The following FRMPD4 variants were observed in gnomAD, a reference collection of about 807,000 sequenced individuals.
The protein encoded by FRMPD4 is FERM and PDZ domain-containing protein 4.
A neutral mutation model predicts 94.1 loss-of-function variants in FRMPD4; 22 were observed. That is an observed-to-expected ratio of 0.23 (90% CI 0.17 to 0.33). FRMPD4 has a LOEUF of 0.33. FRMPD4 is among the 10% of genes least tolerant of loss of function. The pLI is 1.00. For missense variants in FRMPD4, 1,111 were observed against 1,339.9 expected (o/e 0.83, Z 2.67); for synonymous variants, 631 against 548.6 (o/e 1.15, Z -2.10).
chrX:12,607,495 T>G (rs970693748), intron 2 of FRMPD4, among the ~76,000 whole-genome samples: 2 of 111,898 alleles, frequency 1.8e-5, no homozygotes, highest in African/African-American at 6.5e-5. Context: ...AAATTAGTCA[T>G]GTTTGAATGA....
At chrX:12,163,161 A>G (rs1458160009) in intron 1 of FRMPD4, among the ~76,000 whole-genome samples, 2 of 110,895 alleles carry the variant, frequency 1.8e-5, no homozygotes, top group Non-Finnish European at 3.8e-5. Flanking sequence ...ATTAGGTTCC[A>G]ATTAGGGACT....
chrX:12,046,495 G>A (rs1365642493), intron 3 of FRMPD4, among the ~76,000 whole-genome samples: 2 of 111,095 alleles, frequency 1.8e-5, no homozygotes, highest in African/African-American at 6.6e-5. Context: ...GACTGCCCCC[G>A]ACCCCCAGAC....
intron 1 of FRMPD4, among the ~76,000 whole-genome samples, chrX:12,196,328 C>T (rs2056567027): frequency 9.0e-6 from 1 of 111,706 alleles, no homozygotes; most frequent in Admixed American, 9.5e-5. Flanking sequence ...CTACTGCCAT[C>T]ACATTCTCCT....
intron 1 of FRMPD4, among the ~76,000 whole-genome samples, chrX:12,169,554 C>T (rs1303889614): frequency 9.0e-6 from 1 of 111,604 alleles, no homozygotes. Flanking sequence ...ACAACCACAC[C>T]CATCCATTTG....
intron 1 of FRMPD4, among the ~76,000 whole-genome samples, chrX:12,433,588 A>G (rs1178325892): frequency 8.9e-6 from 1 of 112,441 alleles, no homozygotes; most frequent in Non-Finnish European, 1.9e-5. Context: ...ATCCAATTCA[A>G]TCAACACTGT....
intron 4 of FRMPD4, among the ~76,000 whole-genome samples, chrX:12,656,109 G>C (rs1337852743): frequency 3.6e-5 from 4 of 112,332 alleles, no homozygotes; most frequent in African/African-American, 1.3e-4. Context: ...TCAAGAATAT[G>C]TGTTTAGATG....
intron 3 of FRMPD4, among the ~76,000 whole-genome samples, chrX:12,001,571 A>C (rs925662732): frequency 8.9e-6 from 1 of 112,144 alleles, no homozygotes; most frequent in African/African-American, 3.2e-5. Flanking sequence ...CCTCCAACAC[A>C]GAGTGCCTGA....
At chrX:12,515,339 T>G (rs1225784708) in intron 2 of FRMPD4, among the ~76,000 whole-genome samples, 1 of 111,750 alleles carries the variant, frequency 8.9e-6, no homozygotes, top group African/African-American at 3.3e-5. Flanking sequence ...GTGCTAGAAA[T>G]TTCCCACTTA....
intron 1 of FRMPD4, among the ~76,000 whole-genome samples, chrX:12,182,838 C>T (rs141031042): frequency 0.026 from 2,866 of 111,143 alleles, 39 homozygotes; most frequent in African/African-American, 0.044. Flanking sequence ...CTGACACTTT[C>T]GTGGAAATGA....
chrX:12,547,176 G>A (rs769667644), intron 2 of FRMPD4, among the ~76,000 whole-genome samples: 29 of 110,799 alleles, frequency 2.6e-4, no homozygotes, highest in African/African-American at 7.9e-4. Context: ...TAATTAAGTC[G>A]CTCCTGCAAC....
chrX:12,352,664 A>T (rs1199667868), intron 1 of FRMPD4, among the ~76,000 whole-genome samples: 1 of 112,370 alleles, frequency 8.9e-6, no homozygotes, highest in African/African-American at 3.2e-5. Context: ...ACATTTTAAC[A>T]GCAAAAGTAG....
chrX:11,922,121 A>G (rs749585194), intron 3 of FRMPD4, among the ~76,000 whole-genome samples: 7 of 110,161 alleles, frequency 6.4e-5, no homozygotes, highest in Non-Finnish European at 1.3e-4. Flanking sequence ...TTGCACTGCT[A>G]TAAAGAAACA....
intron 1 of FRMPD4, among the ~76,000 whole-genome samples, chrX:12,493,246 A>T (rs1400919741): frequency 9.0e-6 from 1 of 111,262 alleles, no homozygotes; most frequent in African/African-American, 3.3e-5. Flanking sequence ...ATCTTAGGAT[A>T]CCTTGAGGTA....
At chrX:11,888,286 A>G (rs1380617904) in intron 3 of FRMPD4, among the ~76,000 whole-genome samples, 2 of 111,654 alleles carry the variant, frequency 1.8e-5, no homozygotes, top group Non-Finnish European at 3.8e-5. Flanking sequence ...CAAGAGTCCT[A>G]TGTTGTCATT....
chrX:12,536,871 C>T (rs1404489356), intron 2 of FRMPD4, among the ~76,000 whole-genome samples: 1 of 111,710 alleles, frequency 9.0e-6, no homozygotes, highest in Non-Finnish European at 1.9e-5. Context: ...CGTGTAAGTT[C>T]AGAGTCATAT....
chrX:12,527,494 T>G (rs941982024), intron 2 of FRMPD4, among the ~76,000 whole-genome samples: 3 of 107,787 alleles, frequency 2.8e-5, no homozygotes, highest in Non-Finnish European at 3.9e-5. Context: ...ACAGTTTTTT[T>G]TTTTTTTTTT....
intron 3 of FRMPD4, among the ~76,000 whole-genome samples, chrX:11,929,764 G>T (rs1329669741): frequency 1.8e-5 from 2 of 111,333 alleles, no homozygotes; most frequent in Non-Finnish European, 3.8e-5. Flanking sequence ...TGGCCTGAAA[G>T]ATGTTGGGAA....
intron 11 of FRMPD4, among the ~76,000 whole-genome samples, chrX:12,705,675 T>C (rs1163672492): frequency 9.0e-6 from 1 of 111,491 alleles, no homozygotes; most frequent in East Asian, 2.8e-4. Flanking sequence ...AAGTTCTTTT[T>C]AACTTCAGTT....
intron 1 of FRMPD4, among the ~76,000 whole-genome samples, chrX:12,400,775 G>A (rs189350531): frequency 1.8e-5 from 2 of 111,982 alleles, no homozygotes; most frequent in East Asian, 5.6e-4. Flanking sequence ...CTGTTTGATA[G>A]TTTAAGGTCA....
Sources: gnomAD v4.1 joint callset for allele counts (sites outside exome capture counted in the v4.1 genomes callset) on GRCh38, gnomAD v4.1.1 for gene constraint, MANE v1.5 for transcripts, NCBI Gene and HGNC (gene_info 2026-07-23, HGNC 2026-07-21) for gene names.